Variants in DPYD observed in about 807,000 individuals in gnomAD.
DPYD encodes dihydropyrimidine dehydrogenase, also known as dihydropyrimidine dehydrogenase [NADP(+)].
A neutral mutation model predicts 116.2 loss-of-function variants in DPYD; 109 were observed. That is an observed-to-expected ratio of 0.94 (90% confidence interval 0.80 to 1.10). DPYD has a LOEUF of 1.10. Ranked by LOEUF, DPYD falls within the 50% of genes least tolerant of loss-of-function variation. The probability of loss-of-function intolerance (pLI) is 0.00; values close to 1 mark genes in which losing one functional copy is unlikely to be tolerated. For synonymous variants in DPYD, 440 were observed against 432.0 expected (o/e 1.02, Z -0.23); for missense variants, 1,302 against 1,254.5 (o/e 1.04, Z -0.57).
chr1:97,384,736 AAAG>A (rs964442346), intron 14 of DPYD, among the ~76,000 whole-genome samples: 3 of 152,130 alleles, frequency 2.0e-5, no homozygotes, highest in African/African-American at 7.2e-5. Flanking sequence ...AAGCAATTAA[AAAG>A]AAGGAAGCAA....
intron 18 of DPYD, among the ~76,000 whole-genome samples, chr1:97,292,162 A>T (rs1278967174): frequency 6.6e-6 from 1 of 152,140 alleles, no homozygotes; most frequent in African/African-American, 2.4e-5. Context: ...TGTGTATTTG[A>T]AAAGCTCCTC....
intron 19 of DPYD, among the ~76,000 whole-genome samples, chr1:97,224,198 A>C (rs1570705377): frequency 6.6e-6 from 1 of 152,046 alleles, no homozygotes; most frequent in African/African-American, 2.4e-5. Context: ...AAGAGCATTT[A>C]CCCAGGAAGG....
intron 3 of DPYD, among the ~76,000 whole-genome samples, chr1:97,803,003 T>TA (rs1465287370): frequency 6.6e-6 from 1 of 151,942 alleles, no homozygotes; most frequent in Non-Finnish European, 1.5e-5. Flanking sequence ...GCCTTCAACA[T>TA]AAAAGTTTAT....
chr1:97,888,569 C>A (rs896673101), intron 1 of DPYD, among the ~76,000 whole-genome samples: 8 of 150,276 alleles, frequency 5.3e-5, no homozygotes, highest in Admixed American at 4.6e-4. Flanking sequence ...GAGATCCACA[C>A]AAAGAACATC....
chr1:97,244,572 T>C (rs1357268099), intron 18 of DPYD, among the ~76,000 whole-genome samples: 2 of 152,066 alleles, frequency 1.3e-5, no homozygotes, highest in Non-Finnish European at 2.9e-5. Flanking sequence ...TTAGTTTCCA[T>C]GGTAGATGCC....
chr1:97,143,016 A>T (rs1366345899), intron 20 of DPYD, among the ~76,000 whole-genome samples: 3 of 152,054 alleles, frequency 2.0e-5, no homozygotes, highest in Non-Finnish European at 4.4e-5. Context: ...CTGCTTTCAG[A>T]AATGTCTGGT....
intron 6 of DPYD, among the ~76,000 whole-genome samples, chr1:97,697,089 TATA>T (rs1483596473): frequency 1.3e-5 from 2 of 152,138 alleles, no homozygotes; most frequent in African/African-American, 4.8e-5. Context: ...TTATCTTTGT[TATA>T]ATATCAAGCC....
At chr1:97,464,057 G>A (rs1235793328) in intron 13 of DPYD, among the ~76,000 whole-genome samples, 2 of 151,874 alleles carry the variant, frequency 1.3e-5, no homozygotes, top group African/African-American at 4.8e-5. Flanking sequence ...TGGTCAACAT[G>A]GTGACACCCT....
intron 18 of DPYD, among the ~76,000 whole-genome samples, chr1:97,290,809 T>C (rs1373795813): frequency 6.6e-6 from 1 of 152,110 alleles, no homozygotes; most frequent in Non-Finnish European, 1.5e-5. Flanking sequence ...CCAAAAGCAA[T>C]GGCAACAAAA....
rs901933336 is a variant in DPYD at position 97,172,408 on chromosome 1, A to G, written c.2622+20661T>C. Among the ~76,000 whole-genome samples the G allele has an allele frequency of 2.0e-5, 3 of 152,182 alleles. No individual in the cohort carries two copies. In the South Asian group the frequency reaches 6.2e-4, roughly 32 times the overall value. On this transcript the variant is annotated intron_variant, in intron 20 of 22. Transcript: ENST00000370192. The stretch of plus-strand genomic sequence containing the variant: ...CAAAGTATAGATCTGATTTCTGTGT[A>G]TGGGAATTCATATGAATTTGTTTTT...
intron 3 of DPYD, among the ~76,000 whole-genome samples, chr1:97,799,367 G>T (rs1667741584): frequency 6.6e-6 from 1 of 151,852 alleles, no homozygotes; most frequent in South Asian, 2.1e-4. Context: ...ACCCTGATTT[G>T]TATGATCAAT....
At position 97,582,799 on chromosome 1, in the gene DPYD, T is replaced by C. The variant is rs79411412; in HGVS notation, c.1129-8829A>G. On this transcript the variant is annotated intron_variant, in intron 10 of 22. Transcript: ENST00000370192. ...AACCAAATGAGAGTTGTACTACACA[T>C]TGGATAAATATAGTCGTCCCTTAAC... Among the ~76,000 whole-genome samples the C allele has an allele frequency of 7.2e-3, 1,103 of 152,314 alleles. 14 individuals carry two copies. The highest frequency in any genetic ancestry group is 0.025 in the African/African-American group (1,048 of 41,558).
At chr1:97,105,739 T>C (rs1443950922) in intron 20 of DPYD, among the ~76,000 whole-genome samples, 1 of 152,082 alleles carries the variant, frequency 6.6e-6, no homozygotes, top group Non-Finnish European at 1.5e-5. Context: ...GAGGACGACA[T>C]GCACAAACAA....
At chr1:97,396,829 C>T (rs969896324) in intron 14 of DPYD, among the ~76,000 whole-genome samples, 1 of 152,046 alleles carries the variant, frequency 6.6e-6, no homozygotes, top group Non-Finnish European at 1.5e-5. Flanking sequence ...ACCTACTTCT[C>T]AAGGTCTAAC....
At chr1:97,751,458 GTGTATATATATATATATATATATATA>G (rs1478702479) in intron 3 of DPYD, among the ~76,000 whole-genome samples, 6 of 22,058 alleles carry the variant, frequency 2.7e-4, no homozygotes, top group Admixed American at 2.5e-3. Context: ...GTGTGTGTGT[GTGTATATATATATATATATATATATA>G]TATATATATA....
chr1:97,556,474 T>C (rs1421772798), intron 11 of DPYD, among the ~76,000 whole-genome samples: 1 of 145,650 alleles, frequency 6.9e-6, no homozygotes, highest in Non-Finnish European at 1.5e-5. Context: ...CATCTAGCAT[T>C]AGGTATATCT....
intron 20 of DPYD, among the ~76,000 whole-genome samples, chr1:97,147,596 T>C (rs1485550115): frequency 6.6e-6 from 1 of 152,176 alleles, no homozygotes; most frequent in Admixed American, 6.5e-5. Context: ...AGAGTGGTCC[T>C]AAAAGCCTAA....
intron 1 of DPYD, among the ~76,000 whole-genome samples, chr1:97,920,098 A>T (rs1227697667): frequency 6.6e-6 from 1 of 152,260 alleles, no homozygotes; most frequent in African/African-American, 2.4e-5. Context: ...TTAGCTCAAA[A>T]GTGCTGACCT....
At chr1:97,866,918 G>A (rs1005360139) in intron 2 of DPYD, among the ~76,000 whole-genome samples, 3 of 151,800 alleles carry the variant, frequency 2.0e-5, no homozygotes, top group Non-Finnish European at 4.4e-5. Flanking sequence ...TAGGAGCCTG[G>A]GAAAACAAGC....
Sources: allele counts gnomAD v4.1 joint callset (sites outside exome capture counted in the v4.1 genomes callset), GRCh38; gene constraint gnomAD v4.1.1; transcripts MANE v1.5; gene names NCBI Gene and HGNC (gene_info 2026-07-23, HGNC 2026-07-21).